RASGRP1: variants seen among roughly 807,000 people sequenced by gnomAD.
RASGRP1 encodes RAS guanyl-releasing protein 1.
A neutral mutation model predicts 95.1 loss-of-function variants in RASGRP1; 37 were observed. That is an observed-to-expected ratio of 0.39 (90% CI 0.30 to 0.51). RASGRP1 has a LOEUF of 0.51. Among genes scored for constraint, RASGRP1 ranks in the 20% least tolerant of loss-of-function variants. The pLI is 0.80. For missense variants in RASGRP1, 711 were observed against 965.4 expected, an observed-to-expected ratio of 0.74 and a Z score of 3.49; for synonymous variants, 325 against 353.4, an observed-to-expected ratio of 0.92 and a Z score of 0.90.
At chr15:38,502,720 C>CT (rs1891086921) in intron 11 of RASGRP1, 2 of 277,900 alleles carry the variant, frequency 7.2e-6, no homozygotes, top group Non-Finnish European at 1.4e-5. Flanking sequence ...TCACTCTACC[C>CT]TTTTTTTCAT....
chr15:38,559,782 A>G, intron 2 of RASGRP1, 39 bp downstream of exon 2: 16 of 1,572,092 alleles, frequency 1.0e-5, no homozygotes, highest in Non-Finnish European at 1.4e-5. Flanking sequence ...ACAAAGTAAT[A>G]GAGTGATTTT....
At chr15:38,524,656 G>A (rs2141137373) in intron 3 of RASGRP1, among the ~76,000 whole-genome samples, 1 of 152,312 alleles carries the variant, frequency 6.6e-6, no homozygotes, top group East Asian at 1.9e-4. Flanking sequence ...GTGAGGAGTA[G>A]TAAAGAGATT....
At chr15:38,494,272 A>G in intron 16 of RASGRP1, 110 bp downstream of exon 16, 1 of 1,407,888 alleles carries the variant, frequency 7.1e-7, no homozygotes, top group Non-Finnish European at 9.8e-7. Flanking sequence ...TTTTTGTTTT[A>G]GACTGCTTGT....
At chr15:38,508,255 G>A (rs905096915) in intron 8 of RASGRP1, among the ~76,000 whole-genome samples, 1 of 151,966 alleles carries the variant, frequency 6.6e-6, no homozygotes, top group Admixed American at 6.5e-5. Context: ...TATAAATCGG[G>A]GTTTTATCAT....
At position 38,519,388 on chromosome 15, in the gene RASGRP1, G is replaced by GGGA. The variant is rs1566922491; in HGVS notation, c.327-20_327-18dup. ...TCCTTATAGGTAGGGCTGTGGTTAA[G>GGGA]GGAAATGGAGACCTCTGTTACAGAA... On this transcript the variant is annotated splice_polypyrimidine_tract_variant and intron_variant, in intron 3 of 16. Coordinates refer to ENST00000310803, the MANE Select transcript of RASGRP1 (RefSeq NM_005739.4). 1 of 1,493,072 alleles carries GGGA rather than the reference G, an allele frequency of 6.7e-7. No homozygotes were observed. The highest frequency in any genetic ancestry group is 9.3e-7 in the Non-Finnish European group (1 of 1,079,784). 92.5% of individuals were successfully genotyped at this position (1,493,072 alleles called of 1,614,324 possible).
chr15:38,522,013 A>T (rs139793935), intron 3 of RASGRP1, among the ~76,000 whole-genome samples: 132 of 152,310 alleles, frequency 8.7e-4, no homozygotes, highest in African/African-American at 3.0e-3. Context: ...CAAAGCCCAG[A>T]TATCACAGGT....
chr15:38,531,947 T>C (rs571689578), intron 2 of RASGRP1, among the ~76,000 whole-genome samples: 2 of 152,248 alleles, frequency 1.3e-5, no homozygotes, highest in Middle Eastern at 3.4e-3. Flanking sequence ...CATGCTCTTC[T>C]TCCTTTTTGA....
At chr15:38,508,671 A>G (rs1320108739) in intron 8 of RASGRP1, among the ~76,000 whole-genome samples, 1 of 152,198 alleles carries the variant, frequency 6.6e-6, no homozygotes, top group African/African-American at 2.4e-5. Flanking sequence ...AGGACAGGAG[A>G]GAGGACATTA....
chr15:38,542,835 GTATATATATATA>G (rs769461736), intron 2 of RASGRP1, among the ~76,000 whole-genome samples: 4 of 107,190 alleles, frequency 3.7e-5, no homozygotes, highest in Admixed American at 1.0e-4. Context: ...ATATATATGT[GTATATATATATA>G]TGTGTATATA....
intron 12 of RASGRP1, 92 bp from the exon 13 acceptor site, chr15:38,501,379 C>G: frequency 7.0e-7 from 1 of 1,432,428 alleles, no homozygotes; most frequent in Non-Finnish European, 9.8e-7. Context: ...ACTCACCTTT[C>G]TTTTTATCCT....
intron 1 of RASGRP1, 108 bp downstream of exon 1, chr15:38,564,486 G>GC: frequency 2.0e-6 from 2 of 1,013,626 alleles, no homozygotes; most frequent in Non-Finnish European, 2.5e-6. Flanking sequence ...GCCGACCCCG[G>GC]CCCCCCTCCG....
chr15:38,509,594 C>T (rs950664597), intron 8 of RASGRP1, among the ~76,000 whole-genome samples: 22 of 152,104 alleles, frequency 1.4e-4, no homozygotes, highest in Non-Finnish European at 2.4e-4. Flanking sequence ...GGCGTGGTGG[C>T]ACACGCCTGT....
At chr15:38,519,211 G>T (rs1044493554) in intron 4 of RASGRP1, 98 bp downstream of exon 4, 3 of 912,102 alleles carry the variant, frequency 3.3e-6, no homozygotes, top group South Asian at 1.7e-5. Flanking sequence ...CTGTCCAAAG[G>T]TGTTCTATAG....
rs555673594 is a variant in RASGRP1 at position 38,502,202 on chromosome 15, T to C, written c.1538+110A>G. The C allele has an allele frequency of 5.3e-6, 4 of 748,748 alleles. No homozygotes were observed. In the Admixed American group the frequency reaches 1.1e-4, roughly 20 times the overall value. 46.4% of individuals were successfully genotyped at this position (748,748 alleles called of 1,614,324 possible). A position where few individuals can be genotyped will look rare whatever the true frequency, so the allele number is the denominator to read the frequency against. On this transcript the variant is annotated intron_variant, in intron 12 of 16. Coordinates refer to ENST00000310803, the MANE Select transcript of RASGRP1 (RefSeq NM_005739.4). ...CATATTTCATGGTCTGTTCTTTAAG[T>C]GATCACAGCAGCAACATATCTGAGT... is the stretch of plus-strand genomic sequence containing the variant.
intron 6 of RASGRP1, among the ~76,000 whole-genome samples, chr15:38,514,402 T>C (rs1165315616): frequency 6.6e-6 from 1 of 152,186 alleles, no homozygotes; most frequent in African/African-American, 2.4e-5. Context: ...AGTGAATACA[T>C]TTAATACCCC....
chr15:38,499,517 AT>A lies in RASGRP1; in HGVS notation c.1721-572del, dbSNP rs76640829. On this transcript the variant is annotated intron_variant, in intron 14 of 16. Coordinates refer to ENST00000310803, the MANE Select transcript of RASGRP1 (RefSeq NM_005739.4). ...CCAGCCACGACAGAAAGAGGATTTTATACAGAGAAAATGCCTATCTGTGCAA... is the reference window on the plus strand; with the variant it reads ...CCAGCCACGACAGAAAGAGGATTTTAACAGAGAAAATGCCTATCTGTGCAA... Among the ~76,000 whole-genome samples, 683 of 152,300 alleles carry A rather than the reference AT, an allele frequency of 4.5e-3. 37 individuals are homozygous for A. The East Asian group carries it at 0.12, about 26-fold the overall frequency.
intron 2 of RASGRP1, among the ~76,000 whole-genome samples, chr15:38,536,815 C>T (rs1892667877): frequency 6.6e-6 from 1 of 152,144 alleles, no homozygotes; most frequent in Non-Finnish European, 1.5e-5. Context: ...CAGTCTCGTA[C>T]AAAAAAACAT....
Position 38,511,713 on chromosome 15 carries a change from T to C in RASGRP1, c.857A>G (p.His286Arg), listed in dbSNP as rs1191470869. 1 of 1,612,800 alleles carries C rather than the reference T, an allele frequency of 6.2e-7. No homozygotes were observed. The highest frequency in any genetic ancestry group is 2.2e-5 in the East Asian group (1 of 44,850). Residue 286 changes from histidine to arginine, a missense_variant, in exon 8 of 17, where the codon CAC (histidine) becomes CGC (arginine). Around this residue, in one of 3 missense-constraint regions of RASGRP1, gnomAD observed 491 missense variants for 676.6 expected, o/e 0.73. Coordinates refer to ENST00000310803, the MANE Select transcript of RASGRP1 (RefSeq NM_005739.4). ...IKFIQVAQKLHQLQNFNTLMA... is the reference protein window; with the variant it reads ...IKFIQVAQKLRQLQNFNTLMA... ...CAGTGTATTGAAGTTCTGTAGTTGG[T>C]GGAGCTTCTGTGACACAGAAGACAG...
At position 38,507,953 on chromosome 15, in the gene RASGRP1, TGTC is replaced by T; in HGVS notation, c.1012_1014del (p.Asp338del). ...CACTCTCCATAGGCTCGCCGGTAAT[TGTC>T]GTAGTTTCTGGAGGAGGACAGCAGC... On this transcript the variant is annotated inframe_deletion, in exon 9 of 17. Transcript: ENST00000310803. 1 of 1,610,764 alleles carries T rather than the reference TGTC, an allele frequency of 6.2e-7. No homozygotes were observed. The highest frequency in any genetic ancestry group is 1.3e-5 in the African/African-American group (1 of 74,900).
Sources: gnomAD v4.1 joint callset for allele counts (sites outside exome capture counted in the v4.1 genomes callset) on GRCh38, gnomAD v4.1.1 for gene constraint, gnomAD v4.1.1 regional missense constraint, MANE v1.5 for transcripts, NCBI Gene and HGNC (gene_info 2026-07-23, HGNC 2026-07-21) for gene names.